Variants in TMED10 observed in about 807,000 individuals in gnomAD.
The protein encoded by TMED10 is transmembrane p24 trafficking protein 10.
In TMED10, 7 loss-of-function variants were observed where a neutral mutation model predicts 23.1. That is an observed-to-expected ratio of 0.30 (90% CI 0.17 to 0.57). The LOEUF (loss-of-function observed/expected upper bound fraction) is 0.57. Among genes scored for constraint, TMED10 ranks in the 20% least tolerant of loss-of-function variants. The pLI is 0.91. For synonymous variants in TMED10, 113 were observed against 106.9 expected, an observed-to-expected ratio of 1.06 and a Z score of -0.35; for missense variants, 162 against 274.8, an observed-to-expected ratio of 0.59 and a Z score of 2.90.
intron 3 of TMED10, among the ~76,000 whole-genome samples, chr14:75,147,192 T>C (rs1195478060): frequency 2.1e-5 from 1 of 48,292 alleles, no homozygotes; most frequent in South Asian, 6.8e-4. Context: ...GCTGTTTTTT[T>C]TTTTTTTTTT....
At chr14:75,160,278 T>C (rs1303934028) in intron 1 of TMED10, among the ~76,000 whole-genome samples, 1 of 151,964 alleles carries the variant, frequency 6.6e-6, no homozygotes, top group African/African-American at 2.4e-5. Flanking sequence ...AAAACAAAAA[T>C]CACATCTCCC....
At chr14:75,135,077 A>T (rs1355609836) in intron 4 of TMED10, 71 bp from the exon 5 acceptor site, 36 of 1,570,960 alleles carry the variant, frequency 2.3e-5, no homozygotes, top group Non-Finnish European at 2.9e-5. Context: ...ATGGCAGGGG[A>T]GGTGGGTAAA....
At chr14:75,153,106 A>G (rs942406160) in intron 1 of TMED10, among the ~76,000 whole-genome samples, 1 of 151,956 alleles carries the variant, frequency 6.6e-6, no homozygotes, top group African/African-American at 2.4e-5. Flanking sequence ...CAGATGACAG[A>G]GTGAGATTCT....
intron 4 of TMED10, 71 bp downstream of exon 4, chr14:75,135,689 C>T (rs1895740471): frequency 6.3e-7 from 1 of 1,580,890 alleles, no homozygotes; most frequent in Admixed American, 1.9e-5. Context: ...AAAGGGTACA[C>T]CAGAATTGAA....
At chr14:75,163,789 T>C (rs1201664462) in intron 1 of TMED10, among the ~76,000 whole-genome samples, 1 of 151,972 alleles carries the variant, frequency 6.6e-6, no homozygotes, top group Non-Finnish European at 1.5e-5. Context: ...CATAAGGTTA[T>C]TGTGAGGATT....
At chr14:75,165,518 G>GCCCA (rs998685246) in intron 1 of TMED10, among the ~76,000 whole-genome samples, 1 of 152,172 alleles carries the variant, frequency 6.6e-6, no homozygotes, top group Non-Finnish European at 1.5e-5. Flanking sequence ...GAGCCACCAT[G>GCCCA]CCCAGCCTCA....
intron 1 of TMED10, among the ~76,000 whole-genome samples, chr14:75,152,991 A>G (rs1235242805): frequency 2.0e-5 from 3 of 152,196 alleles, no homozygotes; most frequent in Non-Finnish European, 4.4e-5. Flanking sequence ...GCGCAGTGGC[A>G]TATGCCTGTA....
At chr14:75,147,793 A>AGG in intron 2 of TMED10, 56 bp from the exon 3 acceptor site, 1 of 1,335,746 alleles carries the variant, frequency 7.5e-7, no homozygotes. Context: ...CTGGGAAATT[A>AGG]CCCACCCACC....
At chr14:75,140,350 C>T (rs1163516093) in intron 3 of TMED10, among the ~76,000 whole-genome samples, 7 of 152,156 alleles carry the variant, frequency 4.6e-5, no homozygotes, top group Non-Finnish European at 4.4e-5. Context: ...CCGCCCTCCT[C>T]GGCCTCCCAA....
At chr14:75,168,275 G>A (rs1896189001) in intron 1 of TMED10, among the ~76,000 whole-genome samples, 1 of 151,962 alleles carries the variant, frequency 6.6e-6, no homozygotes, top group South Asian at 2.1e-4. Flanking sequence ...TTTTGTCTTT[G>A]TTCCCCACAA....
At chr14:75,151,485 C>T (rs1165582285) in intron 2 of TMED10, among the ~76,000 whole-genome samples, 1 of 152,204 alleles carries the variant, frequency 6.6e-6, no homozygotes, top group Admixed American at 6.5e-5. Context: ...TCCCAAAGTG[C>T]TGGGATTACA....
chr14:75,140,316 G>A (rs1895806037), intron 3 of TMED10, among the ~76,000 whole-genome samples: 1 of 152,126 alleles, frequency 6.6e-6, no homozygotes, highest in Non-Finnish European at 1.5e-5. Flanking sequence ...GGTCAGGCTG[G>A]TCTCGAACTT....
rs1895703241 is a variant in TMED10 at position 75,132,740 on chromosome 14, T to TGG, written c.*2144_*2145insCC. 2 of 152,520 alleles carry TGG rather than the reference T, an allele frequency of 1.3e-5. No homozygotes were observed. The highest frequency in any genetic ancestry group is 4.1e-4 in the South Asian group (2 of 4,834). 9.4% of individuals were successfully genotyped at this position (152,520 alleles called of 1,614,324 possible). On this transcript the variant is annotated 3_prime_UTR_variant, in exon 5 of 5. Coordinates refer to ENST00000303575, the MANE Select transcript of TMED10 (RefSeq NM_006827.6). ...TAACTCATTCCCTCTTCCACCTTTG[T>TGG]ACTTTATCCAGGTCAACACATCAGG... is the stretch of plus-strand genomic sequence containing the variant.
chr14:75,164,484 G>A (rs1896124848), intron 1 of TMED10, among the ~76,000 whole-genome samples: 1 of 142,670 alleles, frequency 7.0e-6, no homozygotes. Flanking sequence ...ACCCACCTCG[G>A]CCTCCCAAAG....
At chr14:75,158,012 T>C (rs928498190) in intron 1 of TMED10, among the ~76,000 whole-genome samples, 1 of 152,128 alleles carries the variant, frequency 6.6e-6, no homozygotes, top group Admixed American at 6.6e-5. Context: ...CCCACTCTCT[T>C]TCTGCATCCC....
At chr14:75,139,846 A>G (rs1438037461) in intron 3 of TMED10, among the ~76,000 whole-genome samples, 1 of 152,160 alleles carries the variant, frequency 6.6e-6, no homozygotes, top group Non-Finnish European at 1.5e-5. Context: ...CTAGCTTGCC[A>G]TTCCAAACAC....
intron 3 of TMED10, chr14:75,147,442 C>T: frequency 1.7e-6 from 1 of 572,272 alleles, no homozygotes. Context: ...GATCCACCCG[C>T]CTTGGCCTCC....
chr14:75,165,524 C>T (rs1272174114), intron 1 of TMED10, among the ~76,000 whole-genome samples: 8 of 152,318 alleles, frequency 5.3e-5, no homozygotes, highest in Admixed American at 3.9e-4. Context: ...CCATGCCCAG[C>T]CTCAGAAACA....
chr14:75,164,565 ATATATATATATATTTTTT>A (rs1896133459), intron 1 of TMED10, among the ~76,000 whole-genome samples: 1 of 2,334 alleles, frequency 4.3e-4, no homozygotes, highest in Non-Finnish European at 1.1e-3. Context: ...ATATATATAT[ATATATATATATATTTTTT>A]TTTTTTTTTT....
Sources: allele counts gnomAD v4.1 joint callset (sites outside exome capture counted in the v4.1 genomes callset), GRCh38; gene constraint gnomAD v4.1.1; transcripts MANE v1.5; gene names NCBI Gene and HGNC (gene_info 2026-07-23, HGNC 2026-07-21).